The following IL1RAPL2 variants were observed in gnomAD, a reference collection of about 807,000 sequenced individuals.
IL1RAPL2 encodes the protein X-linked interleukin-1 receptor accessory protein-like 2.
IL1RAPL2 carries 3 observed loss-of-function variants against 44.1 expected under a neutral mutation model. The observed-to-expected ratio is 0.07, with a 90% CI of 0.03 to 0.18. The LOEUF is 0.18. Among genes scored for constraint, IL1RAPL2 ranks in the 10% least tolerant of loss-of-function variants. The pLI is 1.00. For synonymous variants in IL1RAPL2, 181 were observed against 178.8 expected, an observed-to-expected ratio of 1.01 and a Z score of -0.10; for missense variants, 391 against 496.4, an observed-to-expected ratio of 0.79 and a Z score of 2.02.
intron 1 of IL1RAPL2, among the ~76,000 whole-genome samples, chrX:104,651,037 G>T (rs946602110): frequency 8.9e-6 from 1 of 111,969 alleles, no homozygotes; most frequent in Admixed American, 9.5e-5. Context: ...ACAATGTCTG[G>T]CCCACACAAA....
intron 5 of IL1RAPL2, among the ~76,000 whole-genome samples, chrX:105,359,680 G>A (rs1235617957): frequency 1.8e-5 from 2 of 110,474 alleles, no homozygotes; most frequent in East Asian, 5.7e-4. Flanking sequence ...AGAGTCTATA[G>A]GATACATTCT....
At chrX:105,209,966 T>G (rs144197508) in intron 3 of IL1RAPL2, among the ~76,000 whole-genome samples, 1,324 of 110,794 alleles carry the variant, frequency 0.012, 23 homozygotes, top group African/African-American at 0.042. Context: ...TTTCTTTCAG[T>G]TGGGCCCTAC....
intron 2 of IL1RAPL2, among the ~76,000 whole-genome samples, chrX:105,065,459 C>CA (rs757852797): frequency 1.8e-5 from 2 of 111,731 alleles, no homozygotes; most frequent in South Asian, 7.5e-4. Flanking sequence ...TTAGGCATCC[C>CA]ATCTGATCCC....
intron 1 of IL1RAPL2, among the ~76,000 whole-genome samples, chrX:104,616,028 T>A (rs1400642288): frequency 9.0e-6 from 1 of 110,872 alleles, no homozygotes; most frequent in Non-Finnish European, 1.9e-5. Flanking sequence ...AATGTCTTCT[T>A]TTGAGAAATG....
At chrX:104,984,195 C>G (rs1602869572) in intron 2 of IL1RAPL2, among the ~76,000 whole-genome samples, 2 of 111,595 alleles carry the variant, frequency 1.8e-5, no homozygotes, top group East Asian at 5.6e-4. Context: ...TTATAGTGTC[C>G]AGATTAAGAA....
chrX:104,832,572 A>G (rs1921640507), intron 2 of IL1RAPL2, among the ~76,000 whole-genome samples: 1 of 111,714 alleles, frequency 9.0e-6, no homozygotes, highest in African/African-American at 3.2e-5. Flanking sequence ...TACCTTAGAC[A>G]GATTTTCATG....
chrX:105,039,147 A>G (rs2031677677), intron 2 of IL1RAPL2, among the ~76,000 whole-genome samples: 1 of 112,052 alleles, frequency 8.9e-6, no homozygotes, highest in South Asian at 3.7e-4. Context: ...AGATCTGCAA[A>G]TATCTCTAAC....
chrX:105,270,416 GC>G (rs1295239789), intron 5 of IL1RAPL2, among the ~76,000 whole-genome samples: 1 of 111,662 alleles, frequency 9.0e-6, no homozygotes, highest in African/African-American at 3.2e-5. Flanking sequence ...GTGGGTAAAA[GC>G]GACTTCAACT....
chrX:105,399,508 C>T (rs768715240), intron 5 of IL1RAPL2, among the ~76,000 whole-genome samples: 5 of 110,959 alleles, frequency 4.5e-5, no homozygotes, highest in Non-Finnish European at 9.5e-5. Flanking sequence ...TTATGTTTGT[C>T]TGTGTCCCCC....
At chrX:104,784,360 T>G (rs1932788422) in intron 2 of IL1RAPL2, among the ~76,000 whole-genome samples, 1 of 111,511 alleles carries the variant, frequency 9.0e-6, no homozygotes, top group Admixed American at 9.6e-5. Flanking sequence ...ACAGTTTGCA[T>G]TCTGAGGTAG....
At chrX:104,908,559 A>T (rs1924116629) in intron 2 of IL1RAPL2, among the ~76,000 whole-genome samples, 1 of 110,925 alleles carries the variant, frequency 9.0e-6, no homozygotes, top group Non-Finnish European at 1.9e-5. Context: ...TCCTTCACTT[A>T]TGAAGCTTAG....
At chrX:105,295,947 T>C (rs1357936075) in intron 5 of IL1RAPL2, among the ~76,000 whole-genome samples, 2 of 111,463 alleles carry the variant, frequency 1.8e-5, no homozygotes, top group African/African-American at 6.5e-5. Context: ...ACCTTCAGTC[T>C]TTCCATACCA....
At chrX:104,681,504 T>G (rs1255688866) in intron 2 of IL1RAPL2, among the ~76,000 whole-genome samples, 1 of 112,404 alleles carries the variant, frequency 8.9e-6, no homozygotes, top group Non-Finnish European at 1.9e-5. Flanking sequence ...AGTACTGCAA[T>G]TATTTTTCCT....
Position 105,729,747 on chromosome X carries a change from C to T in IL1RAPL2, c.903-10799C>T, listed in dbSNP as rs192228903. Among the ~76,000 whole-genome samples the T allele has an allele frequency of 6.5e-4, 71 of 109,028 alleles. No individual in the cohort carries two copies. In the East Asian group the frequency reaches 0.013, roughly 19 times the overall value. The allele number at this position is 109,028 out of a possible 115,157, so 94.7% of individuals were successfully genotyped here. A position where few individuals can be genotyped will look rare whatever the true frequency, so the allele number is the denominator to read the frequency against. On this transcript the variant is annotated intron_variant, in intron 7 of 10. Coordinates refer to ENST00000372582, the MANE Select transcript of IL1RAPL2 (RefSeq NM_017416.2). ...TTTTTTTCATGGACTACATTTTTGTCGTTGTGTCTAAAATTTTATCAGCAA... is the reference window on the plus strand; with the variant it reads ...TTTTTTTCATGGACTACATTTTTGTTGTTGTGTCTAAAATTTTATCAGCAA...
chrX:104,811,513 C>T (rs1932978997), intron 2 of IL1RAPL2, among the ~76,000 whole-genome samples: 2 of 110,726 alleles, frequency 1.8e-5, no homozygotes, highest in South Asian at 7.7e-4. Flanking sequence ...GGATTTTTCC[C>T]CCTCTTTTTT....
chrX:104,625,923 C>G (rs756914047), intron 1 of IL1RAPL2, among the ~76,000 whole-genome samples: 3 of 111,234 alleles, frequency 2.7e-5, no homozygotes, highest in Non-Finnish European at 5.6e-5. Flanking sequence ...GTATAATCTT[C>G]AGGCAACTTG....
chrX:105,016,453 T>C (rs1348919957), intron 2 of IL1RAPL2, among the ~76,000 whole-genome samples: 2 of 111,622 alleles, frequency 1.8e-5, no homozygotes, highest in African/African-American at 6.5e-5. Flanking sequence ...TGTGGGTTTG[T>C]CATAGATAGC....
At chrX:105,377,425 G>A (rs2035396760) in intron 5 of IL1RAPL2, among the ~76,000 whole-genome samples, 1 of 108,227 alleles carries the variant, frequency 9.2e-6, no homozygotes, top group East Asian at 2.9e-4. Context: ...AGAGAGAGAT[G>A]AATACTGAGA....
intron 2 of IL1RAPL2, among the ~76,000 whole-genome samples, chrX:104,934,370 CTA>C (rs1478858885): frequency 9.0e-6 from 1 of 110,741 alleles, no homozygotes. Flanking sequence ...CAAAATGAGA[CTA>C]TTAAAAATGT....
Sources: allele counts gnomAD v4.1 joint callset (sites outside exome capture counted in the v4.1 genomes callset), GRCh38; gene constraint gnomAD v4.1.1; transcripts MANE v1.5; gene names NCBI Gene and HGNC (gene_info 2026-07-23, HGNC 2026-07-21).